MCPH1: variants seen among roughly 807,000 people sequenced by gnomAD.
The protein encoded by MCPH1 is microcephalin 1.
Under a neutral mutation model 84.5 loss-of-function variants are expected in MCPH1, and 104 were observed. The ratio of observed to expected loss-of-function variants is 1.23; its 90% CI spans 1.05 to 1.45. The LOEUF is 1.45. Among genes scored for constraint, MCPH1 ranks in the 40% most tolerant of loss-of-function variants. The probability of loss-of-function intolerance (pLI) is 0.00; values close to 1 mark genes in which losing one functional copy is unlikely to be tolerated. For missense variants in MCPH1, 1,498 were observed against 1,005.7 expected, an observed-to-expected ratio of 1.49 and a Z score of -6.62; for synonymous variants, 514 against 366.8, an observed-to-expected ratio of 1.40 and a Z score of -4.58.
chr8:6,425,651 C>G (rs138598347), intron 3 of MCPH1, among the ~76,000 whole-genome samples: 45 of 152,312 alleles, frequency 3.0e-4, no homozygotes, highest in African/African-American at 1.1e-3. Flanking sequence ...TAACCTATGT[C>G]AGGCACACGT....
At chr8:6,580,332 G>A (rs753858828) in intron 12 of MCPH1, among the ~76,000 whole-genome samples, 29 of 152,246 alleles carry the variant, frequency 1.9e-4, no homozygotes, top group African/African-American at 5.5e-4. Context: ...TGATACAGCC[G>A]GTTGCCCTTT....
At chr8:6,509,578 T>C (rs1053040417) in intron 12 of MCPH1, among the ~76,000 whole-genome samples, 2 of 152,040 alleles carry the variant, frequency 1.3e-5, no homozygotes, top group Non-Finnish European at 2.9e-5. Flanking sequence ...TTTCCTCATG[T>C]CTGTATAGTA....
intron 13 of MCPH1, among the ~76,000 whole-genome samples, chr8:6,642,446 G>A (rs1368612512): frequency 2.0e-5 from 3 of 152,150 alleles, no homozygotes; most frequent in Non-Finnish European, 4.4e-5. Context: ...AAACGGATGG[G>A]ACTTTAGAGC....
At chr8:6,538,500 C>T (rs1454929143) in intron 12 of MCPH1, among the ~76,000 whole-genome samples, 1 of 152,172 alleles carries the variant, frequency 6.6e-6, no homozygotes, top group African/African-American at 2.4e-5. Context: ...ACACACACCG[C>T]CTCCTGACTG....
At chr8:6,639,418 T>A (rs1308888538) in intron 13 of MCPH1, among the ~76,000 whole-genome samples, 1 of 152,156 alleles carries the variant, frequency 6.6e-6, no homozygotes, top group African/African-American at 2.4e-5. Context: ...TCTAACACTT[T>A]GGGAAGCCAA....
chr8:6,507,584 T>C (rs1393406540), intron 12 of MCPH1: 8 of 148,916 alleles, frequency 5.4e-5, no homozygotes, highest in Admixed American at 4.7e-4. Context: ...TTTTTTTTTT[T>C]TTTTTTTTTT....
chr8:6,471,304 C>A (rs1807686079), intron 9 of MCPH1, among the ~76,000 whole-genome samples: 1 of 152,136 alleles, frequency 6.6e-6, no homozygotes, highest in Admixed American at 6.5e-5. Flanking sequence ...CAGCAAAGGC[C>A]ATGGTTGCAT....
chr8:6,602,065 G>A (rs931847837), intron 12 of MCPH1, among the ~76,000 whole-genome samples: 1 of 152,234 alleles, frequency 6.6e-6, no homozygotes, highest in African/African-American at 2.4e-5. Flanking sequence ...GCATGGAATA[G>A]AGAAGGCTCT....
At chr8:6,482,931 CAAGAA>C (rs1198099008) in intron 11 of MCPH1, among the ~76,000 whole-genome samples, 4 of 152,040 alleles carry the variant, frequency 2.6e-5, no homozygotes, top group Non-Finnish European at 4.4e-5. Context: ...GGCAATCAGA[CAAGAA>C]AAGATAATAA....
At chr8:6,453,905 G>A (rs1240114469) in intron 8 of MCPH1, among the ~76,000 whole-genome samples, 1 of 152,060 alleles carries the variant, frequency 6.6e-6, no homozygotes, top group African/African-American at 2.4e-5. Context: ...TAGGTTGGTA[G>A]GTTTGTGGTT....
rs1392861127 is a variant in MCPH1, at chr8:6,625,246, C to G, written c.2452+3555C>G. ...AGAGTCATAGCCTCCACCTTGCTTA[C>G]CCCACATGCTGGTTAAAGGAGGAAA... On this transcript the variant is annotated intron_variant, in intron 13 of 13. Transcript: ENST00000344683. 7.1e-6 allele frequency: 7 copies of G among 985,326 alleles called. No homozygotes were observed. In the African/African-American group the frequency reaches 1.0e-4, roughly 15 times the overall value. 61.0% of individuals were successfully genotyped at this position (985,326 alleles called of 1,614,324 possible).
chr8:6,531,119 C>T (rs2515477), intron 12 of MCPH1, among the ~76,000 whole-genome samples: 28,213 of 151,818 alleles, frequency 0.19, 3,295 homozygotes, highest in African/African-American at 0.33. Flanking sequence ...CGACCACGGC[C>T]TTGAGCTTGG....
At chr8:6,506,752 A>C (rs1462040493) in intron 12 of MCPH1, among the ~76,000 whole-genome samples, 1 of 151,262 alleles carries the variant, frequency 6.6e-6, no homozygotes, top group African/African-American at 2.4e-5. Flanking sequence ...AATAGTAGTC[A>C]TATTATCTCA....
At chr8:6,487,397 C>T in intron 11 of MCPH1, among the ~76,000 whole-genome samples, 1 of 152,182 alleles carries the variant, frequency 6.6e-6, no homozygotes, top group Non-Finnish European at 1.5e-5. Flanking sequence ...GTTCACGCCT[C>T]TCATTTTACA....
chr8:6,430,621 A>G (rs1301491195), intron 3 of MCPH1, among the ~76,000 whole-genome samples: 1 of 152,206 alleles, frequency 6.6e-6, no homozygotes, highest in Non-Finnish European at 1.5e-5. Context: ...ATTGCAGTGT[A>G]CTTTATTTTT....
chr8:6,482,824 A>G (rs1809406770), intron 11 of MCPH1, among the ~76,000 whole-genome samples: 1 of 152,232 alleles, frequency 6.6e-6, no homozygotes, highest in Non-Finnish European at 1.5e-5. Flanking sequence ...GCATTAAAAC[A>G]CATTATTTAA....
At chr8:6,447,763 C>G (rs1368180453) in intron 8 of MCPH1, among the ~76,000 whole-genome samples, 1 of 152,168 alleles carries the variant, frequency 6.6e-6, no homozygotes, top group Admixed American at 6.5e-5. Flanking sequence ...CTTGGCCAGG[C>G]TGGTCTTGAA....
intron 12 of MCPH1, among the ~76,000 whole-genome samples, chr8:6,553,253 A>C (rs979685360): frequency 6.6e-6 from 1 of 152,178 alleles, no homozygotes; most frequent in African/African-American, 2.4e-5. Context: ...CTGTGAACCT[A>C]AAACTGCTCT....
At chr8:6,508,144 A>G (rs1206838860) in intron 12 of MCPH1, 1 of 152,200 alleles carries the variant, frequency 6.6e-6, no homozygotes, top group East Asian at 1.9e-4. Flanking sequence ...ATATTAATGG[A>G]ATCTTTTTTA....
Sources: gnomAD v4.1 joint callset for allele counts (sites outside exome capture counted in the v4.1 genomes callset) on GRCh38, gnomAD v4.1.1 for gene constraint, MANE v1.5 for transcripts, NCBI Gene and HGNC (gene_info 2026-07-23, HGNC 2026-07-21) for gene names.